Variants in CSMD3 observed in about 807,000 individuals in gnomAD.
The protein encoded by CSMD3 is CUB and sushi domain-containing protein 3.
A neutral mutation model predicts 435.2 loss-of-function variants in CSMD3; 177 were observed. The observed-to-expected ratio is 0.41, with a 90% CI of 0.36 to 0.46. The LOEUF is 0.46. Ranked by LOEUF, CSMD3 falls within the 20% of genes least tolerant of loss-of-function variation. The pLI is 0.34. For missense variants in CSMD3, 4,265 were observed against 4,504.6 expected, an observed-to-expected ratio of 0.95 and a Z score of 1.52; for synonymous variants, 1,656 against 1,520.5, an observed-to-expected ratio of 1.09 and a Z score of -2.07.
chr8:112,748,527 T>C (rs542442421), intron 13 of CSMD3, among the ~76,000 whole-genome samples: 1 of 152,020 alleles, frequency 6.6e-6, no homozygotes, highest in African/African-American at 2.4e-5. Flanking sequence ...CCAGAATCTG[T>C]TGTTTTCTTT....
chr8:112,913,347 A>C (rs2082481867), intron 10 of CSMD3, among the ~76,000 whole-genome samples: 1 of 151,560 alleles, frequency 6.6e-6, no homozygotes, highest in Admixed American at 6.6e-5. Context: ...CTCCTATGAC[A>C]ATCTAATGCT....
chr8:112,372,646 T>C (rs183779138), intron 38 of CSMD3, among the ~76,000 whole-genome samples: 6 of 152,168 alleles, frequency 3.9e-5, no homozygotes, highest in Admixed American at 3.3e-4. Context: ...GCACAGGAGT[T>C]CGAGACCAGA....
intron 16 of CSMD3, among the ~76,000 whole-genome samples, chr8:112,676,206 C>A (rs79776203): frequency 1.3e-5 from 2 of 151,844 alleles, no homozygotes; most frequent in South Asian, 4.1e-4. Flanking sequence ...CATTTCAGGG[C>A]AGAGAACCAG....
intron 13 of CSMD3, among the ~76,000 whole-genome samples, chr8:112,757,172 T>G (rs954960379): frequency 1.4e-4 from 22 of 152,148 alleles, no homozygotes; most frequent in Non-Finnish European, 2.6e-4. Context: ...TTGGCAACAT[T>G]TTAGTATATT....
intron 46 of CSMD3, among the ~76,000 whole-genome samples, 191 bp from the exon 47 acceptor site, chr8:112,319,141 G>A (rs1822751003): frequency 6.6e-6 from 1 of 152,016 alleles, no homozygotes; most frequent in African/African-American, 2.4e-5. Flanking sequence ...GACCCATCAG[G>A]ACTGAAGGCA....
At chr8:113,242,521 T>C (rs965223024) in intron 3 of CSMD3, among the ~76,000 whole-genome samples, 2 of 152,014 alleles carry the variant, frequency 1.3e-5, no homozygotes, top group South Asian at 2.1e-4. Flanking sequence ...GCTAACCCCA[T>C]TGTAAAGACA....
chr8:112,798,009 C>A, intron 13 of CSMD3, among the ~76,000 whole-genome samples: 1 of 151,656 alleles, frequency 6.6e-6, no homozygotes, highest in East Asian at 1.9e-4. Context: ...AGCAGAAATA[C>A]AAAGACAAGT....
At chr8:112,758,714 T>A (rs1469380528) in intron 13 of CSMD3, among the ~76,000 whole-genome samples, 1 of 152,172 alleles carries the variant, frequency 6.6e-6, no homozygotes, top group African/African-American at 2.4e-5. Context: ...TTTCTTTATA[T>A]GCTAAACAGA....
chr8:113,238,391 G>T (rs2093174285), intron 3 of CSMD3, among the ~76,000 whole-genome samples: 1 of 152,028 alleles, frequency 6.6e-6, no homozygotes, highest in Non-Finnish European at 1.5e-5. Flanking sequence ...ATTATATTGG[G>T]GTTAGACCAG....
chr8:113,231,884 G>A (rs1407147665), intron 3 of CSMD3, among the ~76,000 whole-genome samples: 2 of 151,402 alleles, frequency 1.3e-5, no homozygotes, highest in Non-Finnish European at 3.0e-5. Flanking sequence ...TTGACTATAA[G>A]CTCTGCCTGT....
At chr8:113,249,987 T>C (rs561321455) in intron 3 of CSMD3, among the ~76,000 whole-genome samples, 1 of 152,220 alleles carries the variant, frequency 6.6e-6, no homozygotes, top group Admixed American at 6.6e-5. Flanking sequence ...GGGAAGTTAG[T>C]TGATAAACAT....
At chr8:112,983,694 T>C (rs1324081410) in intron 6 of CSMD3, among the ~76,000 whole-genome samples, 2 of 151,716 alleles carry the variant, frequency 1.3e-5, no homozygotes, top group Non-Finnish European at 2.9e-5. Flanking sequence ...TAAGACCATT[T>C]AGTGATTTTT....
chr8:113,257,660 G>A (rs946247175), intron 3 of CSMD3, among the ~76,000 whole-genome samples: 5 of 152,082 alleles, frequency 3.3e-5, no homozygotes, highest in Non-Finnish European at 7.4e-5. Flanking sequence ...AAACATTGAT[G>A]TATGTACAAT....
intron 1 of CSMD3, among the ~76,000 whole-genome samples, chr8:113,335,186 T>C (rs528424684): frequency 6.6e-6 from 1 of 152,246 alleles, no homozygotes; most frequent in South Asian, 2.1e-4. Flanking sequence ...CCTTCCACCA[T>C]GATTTTAAGT....
chr8:112,422,333 A>G (rs890773204), intron 32 of CSMD3, among the ~76,000 whole-genome samples: 3 of 152,214 alleles, frequency 2.0e-5, no homozygotes, highest in Admixed American at 1.3e-4. Context: ...TCTTAAAAAT[A>G]CACACATCAT....
At chr8:112,747,183 C>CTTTTTTTTTT (rs71309787) in intron 13 of CSMD3, among the ~76,000 whole-genome samples, 17 of 26,938 alleles carry the variant, frequency 6.3e-4, no homozygotes, top group African/African-American at 1.0e-3. Context: ...GCACACTTCC[C>CTTTTTTTTTT]TTTTTTTTTT....
chr8:113,314,927 G>A lies in CSMD3; in HGVS notation c.179-134C>T, dbSNP rs951473631. On this transcript the variant is annotated intron_variant, in intron 1 of 70. Transcript: ENST00000297405. ...TAATTTTATAAATGGCAGTTTAAGA[G>A]CTGGGCACTATATACAAATATATAT... The A allele has an allele frequency of 4.6e-5, 29 of 630,710 alleles. 1 individual carries two copies. The Admixed American group carries it at 8.2e-4, about 18-fold the overall frequency. The allele number at this position is 630,710 out of a possible 1,614,324, so 39.1% of individuals were successfully genotyped here.
At position 112,597,161 on chromosome 8, in the gene CSMD3, A is replaced by G. The variant is rs986178336; in HGVS notation, c.3716-9926T>C. 7.9e-5 allele frequency among the ~76,000 whole-genome samples: 12 copies of G among 151,078 alleles called. No homozygotes were observed. The South Asian group carries it at 2.3e-3, about 29-fold the overall frequency. On this transcript the variant is annotated intron_variant, in intron 22 of 70. Transcript: ENST00000297405. ...GAAAAGAGAGAAGAGTCAAATAGAC[A>G]CAATAAAAAATGATAAAGGGGATAT...
Position 113,404,630 on chromosome 8 carries a change from C to T in CSMD3, c.178+32047G>A, listed in dbSNP as rs566106275. On this transcript the variant is annotated intron_variant, in intron 1 of 70. Transcript: ENST00000297405. ...GCAGGATATATGTTCATTCACTCAT[C>T]TATTCAGCAAACATTTTTTTCTTCT... is the stretch of plus-strand genomic sequence containing the variant. Among the ~76,000 whole-genome samples, 9 of 151,370 alleles carry T rather than the reference C, an allele frequency of 5.9e-5. No individual in the cohort carries two copies. In the South Asian group the frequency reaches 1.9e-3, roughly 31 times the overall value.
Sources: gnomAD v4.1 joint callset for allele counts (sites outside exome capture counted in the v4.1 genomes callset) on GRCh38, gnomAD v4.1.1 for gene constraint, MANE v1.5 for transcripts, NCBI Gene and HGNC (gene_info 2026-07-23, HGNC 2026-07-21) for gene names.